Variants in BSN observed in about 807,000 individuals in gnomAD.
BSN encodes protein bassoon.
A neutral mutation model predicts 264.8 loss-of-function variants in BSN; 57 were observed. That is an observed-to-expected ratio of 0.22 (90% CI 0.17 to 0.27). BSN has a LOEUF of 0.27. Ranked by LOEUF, BSN falls within the 10% of genes least tolerant of loss-of-function variation. The probability of loss-of-function intolerance (pLI) is 1.00; values close to 1 mark genes in which losing one functional copy is unlikely to be tolerated. For synonymous variants in BSN, 2,059 were observed against 2,137.3 expected, an observed-to-expected ratio of 0.96 and a Z score of 1.01; for missense variants, 4,615 against 5,232.5, an observed-to-expected ratio of 0.88 and a Z score of 3.64.
chr3:49,651,426 A>T lies in BSN; in HGVS notation c.1987-117A>T, dbSNP rs936202787. On this transcript the variant is annotated intron_variant, in intron 4 of 11. Transcript: ENST00000296452. This position sits in a 1 kb window ranked among gnomAD's most constrained non-coding sequence, Gnocchi z 5.4. ...GGAGATAGGGTGGGTGGCGGGCCCT[A>T]AACCCTTGGGAAATGGACAGACTCT... 32 of 1,225,014 alleles carry T rather than the reference A, an allele frequency of 2.6e-5. No homozygotes were observed. The African/African-American group carries it at 4.5e-4, about 17-fold the overall frequency. The allele number at this position is 1,225,014 out of a possible 1,614,324, so 75.9% of individuals were successfully genotyped here.
chr3:49,607,345 T>C (rs1225013183), intron 1 of BSN, among the ~76,000 whole-genome samples: 1 of 152,242 alleles, frequency 6.6e-6, no homozygotes. Flanking sequence ...GGGGTGGCCC[T>C]GGTCCCTCTG....
At chr3:49,569,966 G>A (rs1211959864) in intron 1 of BSN, among the ~76,000 whole-genome samples, 1 of 152,164 alleles carries the variant, frequency 6.6e-6, no homozygotes, top group Non-Finnish European at 1.5e-5. Context: ...TGGGGCTGCT[G>A]CTCTGGGGTT....
At chr3:49,644,333 T>C (rs1299983842) in intron 3 of BSN, among the ~76,000 whole-genome samples, 1 of 152,180 alleles carries the variant, frequency 6.6e-6, no homozygotes, top group Non-Finnish European at 1.5e-5. Context: ...GAGAGCATGA[T>C]GTTGCCATGG....
At position 49,652,602 on chromosome 3, in the gene BSN, C is replaced by G; in HGVS notation, c.3046C>G (p.Leu1016Val). 6.2e-7 allele frequency: 1 copy of G among 1,613,492 alleles called. No homozygotes were observed. Among genetic ancestry groups the G allele is most frequent in the Non-Finnish European group, 8.5e-7 (1 of 1,179,924 alleles). The change falls in exon 5 of 12, where the codon CTA becomes GTA. Residue 1016 changes from leucine to valine, a missense_variant. Physicochemically the swap from Leu to Val is conservative, Grantham distance 32. This residue lies in a region of BSN where 1,197 missense variants were observed against 1,348.0 expected (regional missense o/e 0.89). Transcript: ENST00000296452. ...CAGCAGCCCCAGCCGCAGGCAGCGT[C>G]TAGAAGAAGCAAAGCAGCAGCGCAA... is the stretch of plus-strand genomic sequence containing the variant. ...SDSSPSRRQR[L>V]EEAKQQRKAR...
chr3:49,641,900 G>A (rs2052467248), intron 2 of BSN: 1 of 213,750 alleles, frequency 4.7e-6, no homozygotes, highest in Non-Finnish European at 9.2e-6. Context: ...GGCCTGAAGT[G>A]GGAAGCAGGG....
chr3:49,570,668 C>A (rs1036961984), intron 1 of BSN, among the ~76,000 whole-genome samples: 2 of 152,192 alleles, frequency 1.3e-5, no homozygotes, highest in African/African-American at 4.8e-5. Context: ...AACCTCTACA[C>A]CCCTGAGTGT....
At chr3:49,627,555 C>T (rs2052350665) in intron 2 of BSN, among the ~76,000 whole-genome samples, 1 of 152,184 alleles carries the variant, frequency 6.6e-6, no homozygotes, top group South Asian at 2.1e-4. Flanking sequence ...AACAGGTTTG[C>T]AGGCTTTGCT....
At chr3:49,595,482 C>T (rs559843992) in intron 1 of BSN, among the ~76,000 whole-genome samples, 1 of 152,114 alleles carries the variant, frequency 6.6e-6, no homozygotes, top group Admixed American at 6.5e-5. Flanking sequence ...AGCCACTGCG[C>T]CCGGCCTCAC....
chr3:49,608,485 T>G (rs2052177462), intron 1 of BSN, among the ~76,000 whole-genome samples: 2 of 152,198 alleles, frequency 1.3e-5, no homozygotes, highest in Non-Finnish European at 2.9e-5. Flanking sequence ...AGTTACTGTC[T>G]TGAGATGGCA....
Position 49,656,006 on chromosome 3 carries a change from T to C in BSN, c.6450T>C (p.Gly2150=). 11 of 1,603,484 alleles carry C rather than the reference T, an allele frequency of 6.9e-6. No homozygotes were observed. Among genetic ancestry groups the C allele is most frequent in the Non-Finnish European group, 9.4e-6 (11 of 1,174,850 alleles). The part of the protein sequence containing the change: ...SLVPLRPGLL[G]NPTFPEGHPS... Reference sequence around the variant, plus strand: ...TTCCCCTCAGACCTGGACTCCTTGGTAACCCCACCTTTCCAGAGGGCCACC... The same window carrying C: ...TTCCCCTCAGACCTGGACTCCTTGGCAACCCCACCTTTCCAGAGGGCCACC... The change falls in exon 5 of 12, where the codon GGT becomes GGC. Residue 2150 remains glycine (G), a synonymous_variant. Transcript: ENST00000296452.
In BSN at chr3:49,651,189, GC is replaced by G; in HGVS notation, c.1986+112del. On this transcript the variant is annotated intron_variant, in intron 4 of 11. Transcript: ENST00000296452. This position sits in a 1 kb window ranked among gnomAD's most constrained non-coding sequence, Gnocchi z 5.4. ...GTAGGCTCAGGACAGGTGCCTTGGGGCCACACAGGAGGGAAGGGACACAGTA... is the reference window on the plus strand; with the variant it reads ...GTAGGCTCAGGACAGGTGCCTTGGGGCACACAGGAGGGAAGGGACACAGTA... The G allele has an allele frequency of 9.1e-7, 1 of 1,102,242 alleles. No homozygotes were observed. The highest frequency in any genetic ancestry group is 1.3e-6 in the Non-Finnish European group (1 of 791,002). The allele number at this position is 1,102,242 out of a possible 1,614,324, so 68.3% of individuals were successfully genotyped here.
Position 49,670,387 on chromosome 3 carries a change from CTT to C in BSN, c.*2905_*2906del, listed in dbSNP as rs912993243. ...CTAGTCTCAGGCTCTAAAGTACTGA[CTT>C]TTCAGCAAATTTCCTTTCTGGCCAA... On this transcript the variant is annotated 3_prime_UTR_variant, in exon 12 of 12. Coordinates refer to ENST00000296452, the MANE Select transcript of BSN (RefSeq NM_003458.4). 4 of 152,284 alleles carry C rather than the reference CTT, an allele frequency of 2.6e-5. No individual in the cohort carries two copies. Among genetic ancestry groups the C allele is most frequent in the African/African-American group, 9.7e-5 (4 of 41,450 alleles). 9.4% of individuals were successfully genotyped at this position (152,284 alleles called of 1,614,324 possible).
rs1020547705 is a variant in BSN, at chr3:49,654,005, T to A, written c.4449T>A (p.Ser1483=). The change falls in exon 5 of 12, where the codon TCT becomes TCA. Residue 1483 remains serine, a synonymous_variant. Transcript: ENST00000296452. The surrounding 1 kb of genome is among the most constrained non-coding windows in gnomAD (Gnocchi z 4.1). ...GCTCCAGCCCACCTCTCTCCCCGTCTTCCCCCTCAGAGAGTCCCACATTCT... is the reference window on the plus strand; with the variant it reads ...GCTCCAGCCCACCTCTCTCCCCGTCATCCCCCTCAGAGAGTCCCACATTCT... ...FASSSPPLSP[S]SPSESPTFSP... 1.2e-6 allele frequency: 2 copies of A among 1,613,820 alleles called. No homozygotes were observed. Among genetic ancestry groups the A allele is most frequent in the Non-Finnish European group, 1.7e-6 (2 of 1,179,978 alleles).
At chr3:49,621,472 G>C (rs978438570) in intron 1 of BSN, among the ~76,000 whole-genome samples, 1 of 152,124 alleles carries the variant, frequency 6.6e-6, no homozygotes, top group African/African-American at 2.4e-5. Context: ...TTCAGGAGAA[G>C]GTGGTATTCC....
chr3:49,580,504 G>T (rs779870045), intron 1 of BSN, among the ~76,000 whole-genome samples: 1 of 150,608 alleles, frequency 6.6e-6, no homozygotes, highest in Non-Finnish European at 1.5e-5. Flanking sequence ...CGATCATGAC[G>T]CACTGCAGCC....
chr3:49,558,188 A>AAAAATGACTGGGTT (rs2051688708), intron 1 of BSN, among the ~76,000 whole-genome samples: 1 of 152,210 alleles, frequency 6.6e-6, no homozygotes, highest in African/African-American at 2.4e-5. Flanking sequence ...GTAAGGCTGG[A>AAAAATGACTGGGTT]AAAATGACTG....
At chr3:49,605,897 T>TATCTATATATA (rs1491451068) in intron 1 of BSN, among the ~76,000 whole-genome samples, 1,011 of 52,250 alleles carry the variant, frequency 0.019, 13 homozygotes, top group Non-Finnish European at 0.023. Flanking sequence ...AATATATTTA[T>TATCTATATATA]GTCTATATAA....
chr3:49,579,406 A>AT (rs746381369), intron 1 of BSN, among the ~76,000 whole-genome samples: 206 of 142,420 alleles, frequency 1.4e-3, no homozygotes, highest in Admixed American at 2.5e-3. Context: ...GCGCTTTACA[A>AT]TTTTTTTTTT....
intron 1 of BSN, among the ~76,000 whole-genome samples, chr3:49,589,591 C>T (rs1575430695): frequency 6.7e-6 from 1 of 150,180 alleles, no homozygotes; most frequent in African/African-American, 2.5e-5. Context: ...ACAGCAACCT[C>T]CGCCTTCCAG....
Sources: gnomAD v4.1 joint callset for allele counts (sites outside exome capture counted in the v4.1 genomes callset) on GRCh38, gnomAD v4.1.1 for gene constraint, gnomAD v4.1.1 regional missense constraint, Gnocchi (gnomAD v3.1) non-coding constraint, MANE v1.5 for transcripts, NCBI Gene and HGNC (gene_info 2026-07-23, HGNC 2026-07-21) for gene names.